Variants in TLCD2 observed in about 807,000 individuals in gnomAD.
TLCD2 encodes TLC domain-containing protein 2.
TLCD2 carries 12 observed loss-of-function variants against 14.0 expected under a neutral mutation model. The observed-to-expected ratio is 0.86, with a 90% confidence interval of 0.55 to 1.39. The LOEUF (loss-of-function observed/expected upper bound fraction) is 1.39. TLCD2 is among the 40% of genes most tolerant of loss of function. The pLI is 0.00. For missense variants in TLCD2, 360 were observed against 346.8 expected (o/e 1.04, Z -0.30); for synonymous variants, 166 against 156.5 (o/e 1.06, Z -0.45).
At position 1,708,065 on chromosome 17, in the gene TLCD2, C is replaced by T. The variant is rs1367857641; in HGVS notation, c.500G>A (p.Trp167Ter). 7 of 1,537,224 alleles carry T rather than the reference C, an allele frequency of 4.6e-6. No individual in the cohort carries two copies. The highest frequency in any genetic ancestry group is 6.1e-6 in the Non-Finnish European group (7 of 1,146,918). ...GAGGGCCAAGGTGGCCAAGGAGGCC[C>T]AGCTGGTCACGCTGAAGGCCAGGGA... The part of the protein sequence containing the change: ...APSLAFSVTS[W>*]ASLATLALFR... Residue 167 changes from tryptophan (W) to a stop codon, truncating the protein, a stop_gained, in exon 4 of 4, where the codon TGG becomes TAG. Transcript: ENST00000330676. LOFTEE classifies it low-confidence loss of function (END_TRUNC).
rs1914009017 is a variant in TLCD2 at position 1,705,648 on chromosome 17, A to C, written c.*2122T>G. On this transcript the variant is annotated 3_prime_UTR_variant, in exon 4 of 4. Transcript: ENST00000330676. ...TAATCCTTCTCTCTTTCTATCTATC[A>C]CTCAATCTATGTATGTCTGTCTCTG... 6.6e-6 allele frequency: 1 copy of C among 150,638 alleles called. No individual in the cohort carries two copies. 9.3% of individuals were successfully genotyped at this position (150,638 alleles called of 1,614,324 possible).
rs1481786538 is a variant in TLCD2, at chr17:1,703,843, C to T, written c.*3927G>A. 1 of 152,080 alleles carries T rather than the reference C, an allele frequency of 6.6e-6. No homozygotes were observed. Among genetic ancestry groups the T allele is most frequent in the Non-Finnish European group, 1.5e-5 (1 of 68,010 alleles). The allele number at this position is 152,080 out of a possible 1,614,324, so 9.4% of individuals were successfully genotyped here. A position where few individuals can be genotyped will look rare whatever the true frequency, so the allele number is the denominator to read the frequency against. ...TGTCATATTTCTTTTTCTTTAAAAACTCAAGGCAGACAACATTTTTGTTAA... is the reference window on the plus strand; with the variant it reads ...TGTCATATTTCTTTTTCTTTAAAAATTCAAGGCAGACAACATTTTTGTTAA... On this transcript the variant is annotated 3_prime_UTR_variant, in exon 4 of 4. Transcript: ENST00000330676.
chr17:1,705,207 C>T lies in TLCD2; in HGVS notation c.*2563G>A, dbSNP rs900928375. On this transcript the variant is annotated 3_prime_UTR_variant, in exon 4 of 4. Transcript: ENST00000330676. The stretch of plus-strand genomic sequence containing the variant: ...GTTTGTCCTTTGTCTTTCTGCCTGC[C>T]TCCAAGTCCCCATATCTCCTGGTCT... 3 of 152,454 alleles carry T rather than the reference C, an allele frequency of 2.0e-5. No individual in the cohort carries two copies. Among genetic ancestry groups the T allele is most frequent in the African/African-American group, 7.2e-5 (3 of 41,442 alleles). 9.4% of individuals were successfully genotyped at this position (152,454 alleles called of 1,614,324 possible).
At chr17:1,709,115 G>A (rs1448815479) in intron 3 of TLCD2, among the ~76,000 whole-genome samples, 2 of 152,272 alleles carry the variant, frequency 1.3e-5, no homozygotes, top group African/African-American at 4.8e-5. Flanking sequence ...AGGGCCGGGG[G>A]CGGTGGCTCA....
In TLCD2 at chr17:1,710,273, C is replaced by T. The variant is rs1045640408; in HGVS notation, c.-31G>A. The T allele has an allele frequency of 6.9e-7, 1 of 1,454,844 alleles. No individual in the cohort carries two copies. The highest frequency in any genetic ancestry group is 9.0e-7 in the Non-Finnish European group (1 of 1,112,136). 90.1% of individuals were successfully genotyped at this position (1,454,844 alleles called of 1,614,324 possible). A position where few individuals can be genotyped will look rare whatever the true frequency, so the allele number is the denominator to read the frequency against. ...GGCGGTTGGGGGGTTGCGGGGAGTC[C>T]GGGTCGGTCCCCTCGGCGCCCGCGC... On this transcript the variant is annotated 5_prime_UTR_variant, in exon 1 of 4. Transcript: ENST00000330676. The surrounding 1 kb of genome is among the most constrained non-coding windows in gnomAD (Gnocchi z 6.1).
Position 1,708,051 on chromosome 17 carries a change from TGGCCAAGGA to T in TLCD2, c.505_513del (p.Ser169_Ala171del), listed in dbSNP as rs1202752825. Reference sequence around the variant, plus strand: ...GGGACCAGGCGGAAGAGGGCCAAGGTGGCCAAGGAGGCCCAGCTGGTCACGCTGAAGGCC... The same window carrying T: ...GGGACCAGGCGGAAGAGGGCCAAGGTGGCCCAGCTGGTCACGCTGAAGGCC... On this transcript the variant is annotated inframe_deletion, in exon 4 of 4. Coordinates refer to ENST00000330676, the MANE Select transcript of TLCD2 (RefSeq NM_001164407.2). 3.9e-6 allele frequency: 6 copies of T among 1,537,040 alleles called. No individual in the cohort carries two copies. The highest frequency in any genetic ancestry group is 5.2e-6 in the Non-Finnish European group (6 of 1,146,896).
intron 2 of TLCD2, 69 bp downstream of exon 2, chr17:1,709,735 C>G: frequency 2.4e-6 from 3 of 1,271,040 alleles, no homozygotes; most frequent in Non-Finnish European, 3.3e-6. Flanking sequence ...GGGAATGGAC[C>G]TGGAAGGACA....
At chr17:1,709,719 G>C (rs1914158950) in intron 2 of TLCD2, 85 bp downstream of exon 2, 2 of 1,219,832 alleles carry the variant, frequency 1.6e-6, no homozygotes, top group African/African-American at 3.0e-5. Context: ...AACCCCCATG[G>C]GGGCGGGGAA....
At chr17:1,709,078 G>A (rs1202600788) in intron 3 of TLCD2, among the ~76,000 whole-genome samples, 1 of 152,160 alleles carries the variant, frequency 6.6e-6, no homozygotes, top group Non-Finnish European at 1.5e-5. Context: ...GAGACTGTGG[G>A]AAATTATAGG....
At chr17:1,709,126 T>C (rs1019237808) in intron 3 of TLCD2, among the ~76,000 whole-genome samples, 2 of 152,112 alleles carry the variant, frequency 1.3e-5, no homozygotes, top group African/African-American at 4.8e-5. Context: ...CGGTGGCTCA[T>C]GCTTGTAATC....
chr17:1,705,730 G>A lies in TLCD2; in HGVS notation c.*2040C>T, dbSNP rs922316777. 6.6e-6 allele frequency: 1 copy of A among 151,814 alleles called. No individual in the cohort carries two copies. Among genetic ancestry groups the A allele is most frequent in the Non-Finnish European group, 1.5e-5 (1 of 67,994 alleles). The allele number at this position is 151,814 out of a possible 1,614,324, so 9.4% of individuals were successfully genotyped here. On this transcript the variant is annotated 3_prime_UTR_variant, in exon 4 of 4. Transcript: ENST00000330676. ...CTTAGCAAGGTTTTTGTTTTGTTTT[G>A]TTTTTTTTTGAAGACAATCTTCCTG...
In TLCD2 at chr17:1,704,586, C is replaced by A. The variant is rs1180636284; in HGVS notation, c.*3184G>T. 5 of 152,030 alleles carry A rather than the reference C, an allele frequency of 3.3e-5. No homozygotes were observed. The allele number at this position is 152,030 out of a possible 1,614,324, so 9.4% of individuals were successfully genotyped here. A position where few individuals can be genotyped will look rare whatever the true frequency, so the allele number is the denominator to read the frequency against. On this transcript the variant is annotated 3_prime_UTR_variant, in exon 4 of 4. Coordinates refer to ENST00000330676, the MANE Select transcript of TLCD2 (RefSeq NM_001164407.2). ...TCTCGATGTATTTTCATCCTTTGCG[C>A]CTGTTTTTATGACTCTATGATGGAG...
chr17:1,703,239 C>T lies in TLCD2; in HGVS notation c.*4531G>A, dbSNP rs1044669859. ...TCACTGGCTCACCATGGTAGCAATT[C>T]GTGTGTGGTCCCAAATTCTTCCAAG... On this transcript the variant is annotated 3_prime_UTR_variant, in exon 4 of 4. Coordinates refer to ENST00000330676, the MANE Select transcript of TLCD2 (RefSeq NM_001164407.2). 8.5e-5 allele frequency: 13 copies of T among 152,106 alleles called. No homozygotes were observed. Among genetic ancestry groups the T allele is most frequent in the Admixed American group, 7.2e-4 (11 of 15,260 alleles). The allele number at this position is 152,106 out of a possible 1,614,324, so 9.4% of individuals were successfully genotyped here. A position where few individuals can be genotyped will look rare whatever the true frequency, so the allele number is the denominator to read the frequency against.
chr17:1,708,479 C>CTTTTTTTTT (rs70956738), intron 3 of TLCD2, among the ~76,000 whole-genome samples: 1 of 47,874 alleles, frequency 2.1e-5, no homozygotes, highest in African/African-American at 6.8e-5. Context: ...GGCTTGCTTG[C>CTTTTTTTTT]TTTTTTTTTT....
rs1001523305 is a variant in TLCD2 at position 1,709,443 on chromosome 17, G to T, written c.342+56C>A. 23 of 1,242,970 alleles carry T rather than the reference G, an allele frequency of 1.9e-5. No homozygotes were observed. The Admixed American group carries it at 4.1e-4, about 22-fold the overall frequency. The allele number at this position is 1,242,970 out of a possible 1,614,324, so 77.0% of individuals were successfully genotyped here. ...AATGAGGAGAGACTGGGAACCTCGGGCTGGACAGGGCTCCCCTCCTCCCTT... is the reference window on the plus strand; with the variant it reads ...AATGAGGAGAGACTGGGAACCTCGGTCTGGACAGGGCTCCCCTCCTCCCTT... On this transcript the variant is annotated intron_variant, in intron 3 of 3. Transcript: ENST00000330676.
At chr17:1,709,389 CAAAAAAAAAAAA>C (rs781399159) in intron 3 of TLCD2, 98 bp downstream of exon 3, 20 of 298,792 alleles carry the variant, frequency 6.7e-5, no homozygotes, top group South Asian at 1.5e-4. Flanking sequence ...GACTCCGTCT[CAAAAAAAAAAAA>C]AAAAAAAAAA....
rs1914093174 is a variant in TLCD2 at position 1,708,088 on chromosome 17, G to A, written c.477C>T (p.Ser159=). 1.3e-6 allele frequency: 2 copies of A among 1,537,076 alleles called. No individual in the cohort carries two copies. Among genetic ancestry groups the A allele is most frequent in the Non-Finnish European group, 1.7e-6 (2 of 1,146,920 alleles). The part of the protein sequence containing the change: ...KLLLLSRQAP[S]LAFSVTSWAS... ...CCCAGCTGGTCACGCTGAAGGCCAG[G>A]GATGGGGCCTGGCGAGAAAGCAACA... The change falls in exon 4 of 4, where the codon TCC becomes TCT. Residue 159 remains serine, a synonymous_variant. Coordinates refer to ENST00000330676, the MANE Select transcript of TLCD2 (RefSeq NM_001164407.2).
rs1009046354 is a variant in TLCD2, at chr17:1,710,340, G to GCCCCGGCTCCCCTCC, written c.-113_-99dup. 8 of 1,121,342 alleles carry GCCCCGGCTCCCCTCC rather than the reference G, an allele frequency of 7.1e-6. No individual in the cohort carries two copies. Among genetic ancestry groups the GCCCCGGCTCCCCTCC allele is most frequent in the Non-Finnish European group, 8.4e-6 (7 of 837,384 alleles). 69.5% of individuals were successfully genotyped at this position (1,121,342 alleles called of 1,614,324 possible). A position where few individuals can be genotyped will look rare whatever the true frequency, so the allele number is the denominator to read the frequency against. Reference sequence around the variant, plus strand: ...GAACCCGTTTCCCGGCAGGGCTGGGGCCCCGGCTCCCCTCCCCGCCGCGCC... The same window carrying GCCCCGGCTCCCCTCC: ...GAACCCGTTTCCCGGCAGGGCTGGGGCCCCGGCTCCCCTCCCCCCGGCTCCCCTCCCCGCCGCGCC... On this transcript the variant is annotated 5_prime_UTR_variant, in exon 1 of 4. Transcript: ENST00000330676. This position sits in a 1 kb window ranked among gnomAD's most constrained non-coding sequence, Gnocchi z 6.1.
At position 1,707,750 on chromosome 17, in the gene TLCD2, G is replaced by A; in HGVS notation, c.*20C>T. 3 of 1,464,308 alleles carry A rather than the reference G, an allele frequency of 2.0e-6. No homozygotes were observed. The highest frequency in any genetic ancestry group is 1.8e-4 in the Middle Eastern group (1 of 5,610). The allele number at this position is 1,464,308 out of a possible 1,614,324, so 90.7% of individuals were successfully genotyped here. A position where few individuals can be genotyped will look rare whatever the true frequency, so the allele number is the denominator to read the frequency against. On this transcript the variant is annotated 3_prime_UTR_variant, in exon 4 of 4. Coordinates refer to ENST00000330676, the MANE Select transcript of TLCD2 (RefSeq NM_001164407.2). ...TTGTCCTGGCCCCACCTCCCCCAGC[G>A]AGGGGCCCATGGCTTCTCTCTAGTC...
Sources: gnomAD v4.1 joint callset for allele counts (sites outside exome capture counted in the v4.1 genomes callset) on GRCh38, gnomAD v4.1.1 for gene constraint, Gnocchi (gnomAD v3.1) non-coding constraint, MANE v1.5 for transcripts, NCBI Gene and HGNC (gene_info 2026-07-23, HGNC 2026-07-21) for gene names.